Variants in PIGG observed in about 807,000 individuals in gnomAD.
PIGG encodes GPI ethanolamine phosphate transferase 2, catalytic subunit.
A neutral mutation model predicts 83.2 loss-of-function variants in PIGG; 70 were observed. That is an observed-to-expected ratio of 0.84 (90% confidence interval 0.69 to 1.03). The LOEUF (loss-of-function observed/expected upper bound fraction) is 1.03, where lower values mean the gene tolerates loss of function less well. PIGG is among the 50% of genes least tolerant of loss of function. The pLI, the probability that PIGG is intolerant of heterozygous loss-of-function variation, is 0.00. For missense variants in PIGG, 1,257 were observed against 1,233.6 expected (o/e 1.02, Z -0.28); for synonymous variants, 532 against 519.5 (o/e 1.02, Z -0.33).
intron 12 of PIGG, among the ~76,000 whole-genome samples, chr4:534,881 G>A (rs958686151): frequency 6.6e-6 from 1 of 151,904 alleles, no homozygotes; most frequent in Non-Finnish European, 1.5e-5. Context: ...CCCAGATCAA[G>A]GGCGCAGCCC....
chr4:534,912 CT>C (rs1198722146), intron 12 of PIGG, among the ~76,000 whole-genome samples: 49 of 152,148 alleles, frequency 3.2e-4, no homozygotes, highest in Non-Finnish European at 1.6e-4. Context: ...TGCCCGTCTC[CT>C]GGCGGTTTTG....
chr4:509,163 A>C (rs782669621), intron 5 of PIGG, among the ~76,000 whole-genome samples, 193 bp downstream of exon 5: 1 of 152,216 alleles, frequency 6.6e-6, no homozygotes, highest in Non-Finnish European at 1.5e-5. Context: ...CTTAAAATAC[A>C]GTTATTCTTT....
intron 10 of PIGG, 34 bp downstream of exon 10, chr4:527,264 C>T: frequency 6.5e-7 from 1 of 1,534,200 alleles, no homozygotes; most frequent in Non-Finnish European, 8.7e-7. Flanking sequence ...TGCATAGAGC[C>T]ACTTTACTGT....
At chr4:516,965 A>T (rs1031700954) in intron 6 of PIGG, among the ~76,000 whole-genome samples, 3 of 152,158 alleles carry the variant, frequency 2.0e-5, no homozygotes, top group Non-Finnish European at 2.9e-5. Flanking sequence ...GGGAGGGCAC[A>T]TTACAGGCTG....
Position 521,756 on chromosome 4 carries a change from T to C in PIGG, c.1429T>C (p.Tyr477His). ...LSSPGFSLLF[Y>H]LVILVLSAVH... is the part of the protein sequence containing the mutation. ...ATCTCCTGGGTTTTCTCTGCTCTTT[T>C]ATTTGGTGATCCTGGTTCTTTCGGC... The change falls in exon 8 of 13, where the codon TAT (tyrosine) becomes CAT (histidine). Residue 477 changes from tyrosine to histidine, a missense_variant. Tyr to His is a moderately conservative substitution (Grantham distance 83, BLOSUM62 2). Transcript: ENST00000453061. The C allele has an allele frequency of 6.2e-7, 1 of 1,614,218 alleles. No homozygotes were observed. Among genetic ancestry groups the C allele is most frequent in the Non-Finnish European group, 8.5e-7 (1 of 1,180,030 alleles).
Position 515,793 on chromosome 4 carries a change from A to G in PIGG, c.902-180A>G, listed in dbSNP as rs1318928428. 6.6e-6 allele frequency among the ~76,000 whole-genome samples: 1 copy of G among 152,178 alleles called. No homozygotes were observed. Among genetic ancestry groups the G allele is most frequent in the Non-Finnish European group, 1.5e-5 (1 of 68,022 alleles). ...GGAAAGACACCGTCCCTGGCATAGA[A>G]TGGGTTCGGTAACTATCAACACAGC... On this transcript the variant is annotated intron_variant, in intron 5 of 12. Coordinates refer to ENST00000453061, the MANE Select transcript of PIGG (RefSeq NM_001127178.3). The surrounding 1 kb of genome is among the most constrained non-coding windows in gnomAD (Gnocchi z 4.2).
At position 515,275 on chromosome 4, in the gene PIGG, C is replaced by G. The variant is rs1200293442; in HGVS notation, c.902-698C>G. ...AAAACACTTCGACCAAGTTGAGTTT[C>G]TGCTCCGAAATCATAGTGGATGGTG... On this transcript the variant is annotated intron_variant, in intron 5 of 12. Coordinates refer to ENST00000453061, the MANE Select transcript of PIGG (RefSeq NM_001127178.3). The surrounding 1 kb of genome is among the most constrained non-coding windows in gnomAD (Gnocchi z 4.2). Among the ~76,000 whole-genome samples, 1 of 152,240 alleles carries G rather than the reference C, an allele frequency of 6.6e-6. No individual in the cohort carries two copies. Among genetic ancestry groups the G allele is most frequent in the African/African-American group, 2.4e-5 (1 of 41,464 alleles).
At chr4:509,733 G>C (rs1381850410) in intron 5 of PIGG, among the ~76,000 whole-genome samples, 1 of 152,052 alleles carries the variant, frequency 6.6e-6, no homozygotes, top group African/African-American at 2.4e-5. Flanking sequence ...CCTTTCCCTG[G>C]TCTTTTTTAC....
Position 521,918 on chromosome 4 carries a change from G to A in PIGG, c.1591G>A (p.Val531Met), listed in dbSNP as rs143362968. The change falls in exon 8 of 13, where the codon GTG becomes ATG. Residue 531 changes from valine to methionine, a missense_variant. Val to Met is a conservative substitution (Grantham distance 21, BLOSUM62 1). Transcript: ENST00000453061. Reference protein sequence around the residue: ...VIVSVLTNVLVGGNTPRKNPM... With the variant: ...VIVSVLTNVLMGGNTPRKNPM... ...TGTGTCTGTTCTGACCAACGTGCTC[G>A]TGGGTGGAAACACCCCAAGGAAGGT... 121 of 1,614,180 alleles carry A rather than the reference G, an allele frequency of 7.5e-5. 1 individual carries two copies. The East Asian group carries it at 1.5e-3, about 20-fold the overall frequency.
At chr4:537,573 CCTGTGGGG>C (rs1730979523) in intron 12 of PIGG, among the ~76,000 whole-genome samples, 1 of 152,160 alleles carries the variant, frequency 6.6e-6, no homozygotes, top group Non-Finnish European at 1.5e-5. Context: ...GGGTCCCCGG[CCTGTGGGG>C]CTGGATACCA....
chr4:537,579 G>A (rs1344244583), intron 12 of PIGG, among the ~76,000 whole-genome samples: 1 of 152,176 alleles, frequency 6.6e-6, no homozygotes, highest in Admixed American at 6.5e-5. Flanking sequence ...CCGGCCTGTG[G>A]GGCTGGATAC....
At chr4:516,392 T>G (rs551676573) in intron 6 of PIGG, among the ~76,000 whole-genome samples, 1 of 152,236 alleles carries the variant, frequency 6.6e-6, no homozygotes, top group South Asian at 2.1e-4. Context: ...TCTAAAGTTC[T>G]TTCATAAATT....
chr4:508,880 A>G lies in PIGG; in HGVS notation c.811A>G (p.Met271Val), dbSNP rs1553881485. The part of the protein sequence containing the change: ...NLLVLCGDHG[M>V]SETGSHGASS... ...GCTGGTTCTTTGTGGTGACCATGGC[A>G]TGTCTGAAACAGGAAGTCACGGGGC... is the stretch of plus-strand genomic sequence containing the variant. The change falls in exon 5 of 13, where the codon ATG becomes GTG. Residue 271 changes from methionine (M) to valine (V), a missense_variant. Met to Val is a conservative substitution (Grantham distance 21). Coordinates refer to ENST00000453061, the MANE Select transcript of PIGG (RefSeq NM_001127178.3). 2 of 1,613,876 alleles carry G rather than the reference A, an allele frequency of 1.2e-6. No homozygotes were observed. The highest frequency in any genetic ancestry group is 2.2e-5 in the South Asian group (2 of 91,080).
chr4:512,432 A>G (rs1438217191), intron 5 of PIGG, among the ~76,000 whole-genome samples: 2 of 151,608 alleles, frequency 1.3e-5, no homozygotes, highest in African/African-American at 2.4e-5. Flanking sequence ...GGCCAGGCCG[A>G]TCTCAAACTC....
chr4:499,568 G>C (rs782594206), intron 1 of PIGG, 79 bp downstream of exon 1: 183 of 1,464,042 alleles, frequency 1.2e-4, no homozygotes, highest in Non-Finnish European at 1.6e-4. Flanking sequence ...CTCGCTGCTC[G>C]GATTTCTTCT....
chr4:511,084 G>A lies in PIGG; in HGVS notation c.901+2114G>A, dbSNP rs560734031. ...TGAGGTGGGTGGATCACCTGAGATCGGGAGTTCGAGACCAGCCTGACCAAC... is the reference window on the plus strand; with the variant it reads ...TGAGGTGGGTGGATCACCTGAGATCAGGAGTTCGAGACCAGCCTGACCAAC... On this transcript the variant is annotated intron_variant, in intron 5 of 12. Transcript: ENST00000453061. 1.0e-3 allele frequency among the ~76,000 whole-genome samples: 155 copies of A among 152,038 alleles called. 1 individual carries two copies. The South Asian group carries it at 0.018, about 18-fold the overall frequency.
At chr4:506,838 C>A in intron 3 of PIGG, 4 of 455,920 alleles carry the variant, frequency 8.8e-6, no homozygotes, top group Non-Finnish European at 1.8e-5. Context: ...CCCTCAGCTT[C>A]ATCATCCTGC....
intron 8 of PIGG, chr4:522,386 C>G (rs1286128558): frequency 1.1e-5 from 3 of 280,460 alleles, no homozygotes; most frequent in Non-Finnish European, 2.0e-5. Flanking sequence ...TCCTGCCACC[C>G]CCAGAATGCA....
At chr4:533,403 C>G (rs1279652705) in intron 11 of PIGG, 1 of 173,994 alleles carries the variant, frequency 5.7e-6, no homozygotes, top group African/African-American at 2.4e-5. Context: ...CTGGGCCCAG[C>G]AGCTGGCCTC....
Sources: gnomAD v4.1 joint callset for allele counts (sites outside exome capture counted in the v4.1 genomes callset) on GRCh38, gnomAD v4.1.1 for gene constraint, Gnocchi (gnomAD v3.1) non-coding constraint, MANE v1.5 for transcripts, NCBI Gene and HGNC (gene_info 2026-07-23, HGNC 2026-07-21) for gene names.